Variants in S100A8 observed in about 807,000 individuals in gnomAD.
S100A8 encodes the protein S100 calcium binding protein A8, also known as protein S100-A8.
Under a neutral mutation model 4.2 loss-of-function variants are expected in S100A8, and 1 was observed. That is an observed-to-expected ratio of 0.24 (90% CI 0.08 to 1.12). S100A8 has a LOEUF of 1.12. S100A8 is among the 50% of genes most tolerant of loss of function. S100A8 has a pLI of 0.53. For missense variants in S100A8, 96 were observed against 111.8 expected (o/e 0.86, Z 0.64); for synonymous variants, 41 against 44.7 (o/e 0.92, Z 0.33).
chr1:153,415,700 T>A, the S100A8 span, among the ~76,000 whole-genome samples: 1 of 133,162 alleles, frequency 7.5e-6, no homozygotes, highest in Admixed American at 7.6e-5. Context: ...ACCTCCAGGC[T>A]CATTCCATGG....
the S100A8 span, among the ~76,000 whole-genome samples, chr1:153,399,167 A>G: frequency 6.6e-6 from 1 of 152,128 alleles, no homozygotes; most frequent in Non-Finnish European, 1.5e-5. Context: ...GGCAGGAGGC[A>G]CCTGTGTGAG....
the S100A8 span, among the ~76,000 whole-genome samples, chr1:153,409,985 T>G: frequency 6.6e-6 from 1 of 152,218 alleles, no homozygotes; most frequent in Admixed American, 6.5e-5. Context: ...AAGCAGTCTG[T>G]AGAGGGAAAT....
chr1:153,396,790 A>G, the S100A8 span: 1 of 152,362 alleles, frequency 6.6e-6, no homozygotes, highest in Non-Finnish European at 1.5e-5. Context: ...CAGAGCATCA[A>G]CAACCCACCC....
chr1:153,417,012 C>G, the S100A8 span, among the ~76,000 whole-genome samples: 1 of 152,252 alleles, frequency 6.6e-6, no homozygotes, highest in Non-Finnish European at 1.5e-5. Flanking sequence ...CAGTCAATCT[C>G]TGGGCACAGG....
the S100A8 span, among the ~76,000 whole-genome samples, chr1:153,398,847 C>T: frequency 6.6e-6 from 1 of 152,214 alleles, no homozygotes; most frequent in Non-Finnish European, 1.5e-5. Context: ...TCCCCAAGAT[C>T]ACACAATGAT....
chr1:153,411,090 C>CACT, the S100A8 span, among the ~76,000 whole-genome samples: 1 of 152,330 alleles, frequency 6.6e-6, no homozygotes, highest in East Asian at 1.9e-4. Flanking sequence ...TGCCCTCTCT[C>CACT]ACTACTCCTA....
chr1:153,414,408 G>A, the S100A8 span, among the ~76,000 whole-genome samples: 2 of 152,292 alleles, frequency 1.3e-5, no homozygotes, highest in South Asian at 2.1e-4. Flanking sequence ...TTAAAACTCA[G>A]AGATAAGAAC....
At chr1:153,395,047 G>A (rs1261169439), upstream of S100A8, among the ~76,000 whole-genome samples, 2 of 152,082 alleles carry the variant, frequency 1.3e-5, no homozygotes, top group Admixed American at 6.5e-5. Flanking sequence ...GAGTCCCAGG[G>A]GAGAGGAAAA....
chr1:153,403,542 G>A, the S100A8 span, among the ~76,000 whole-genome samples: 15 of 152,262 alleles, frequency 9.9e-5, no homozygotes, highest in South Asian at 3.1e-3. Flanking sequence ...CTTGTCTCAT[G>A]TGGAGCAATC....
the S100A8 span, among the ~76,000 whole-genome samples, chr1:153,418,609 T>C: frequency 6.6e-6 from 1 of 152,140 alleles, no homozygotes; most frequent in Admixed American, 6.6e-5. Flanking sequence ...CCATTGCTAG[T>C]AGAAATCAAT....
At chr1:153,414,926 C>T in the S100A8 span, among the ~76,000 whole-genome samples, 2 of 152,200 alleles carry the variant, frequency 1.3e-5, no homozygotes, top group Admixed American at 1.3e-4. Flanking sequence ...ACCACCTGAC[C>T]TCCTGCTCTT....
At chr1:153,408,622 G>A in the S100A8 span, among the ~76,000 whole-genome samples, 2 of 152,252 alleles carry the variant, frequency 1.3e-5, no homozygotes, top group African/African-American at 4.8e-5. Context: ...AGGAAATACA[G>A]AGAGGGCCAC....
At chr1:153,418,448 C>G in the S100A8 span, among the ~76,000 whole-genome samples, 1 of 152,112 alleles carries the variant, frequency 6.6e-6, no homozygotes, top group South Asian at 2.1e-4. Flanking sequence ...ATTAGATGGT[C>G]AGCAAAGTGT....
At chr1:153,398,460 A>C in the S100A8 span, among the ~76,000 whole-genome samples, 8 of 150,832 alleles carry the variant, frequency 5.3e-5, no homozygotes, top group Admixed American at 6.6e-5. Flanking sequence ...TCCTGCTGCC[A>C]CCACACTGTG....
At chr1:153,419,170 C>T in the S100A8 span, 2 of 1,614,166 alleles carry the variant, frequency 1.2e-6, no homozygotes, top group Non-Finnish European at 1.7e-6. Context: ...CATTACCTCG[C>T]CACTGTCTTT....
the S100A8 span, among the ~76,000 whole-genome samples, chr1:153,415,283 A>T: frequency 9.2e-5 from 14 of 152,040 alleles, no homozygotes; most frequent in East Asian, 1.9e-4. Flanking sequence ...GTTACATAAG[A>T]ACTGACAGAG....
the S100A8 span, among the ~76,000 whole-genome samples, chr1:153,415,727 G>GGA: frequency 2.0e-5 from 3 of 150,026 alleles, no homozygotes; most frequent in Non-Finnish European, 4.4e-5. Context: ...GGGGGCGGGG[G>GGA]TCACTCCACC....
chr1:153,401,587 G>A, the S100A8 span, among the ~76,000 whole-genome samples: 15 of 152,110 alleles, frequency 9.9e-5, no homozygotes, highest in African/African-American at 3.6e-4. Context: ...ACAATGTCCC[G>A]TGACATCCAG....
the S100A8 span, among the ~76,000 whole-genome samples, chr1:153,414,350 A>G: frequency 1.3e-5 from 2 of 152,376 alleles, no homozygotes; most frequent in Admixed American, 1.3e-4. Flanking sequence ...AAATATTTAC[A>G]AAAGACATAT....
Sources: gnomAD v4.1 joint callset for allele counts (sites outside exome capture counted in the v4.1 genomes callset) on GRCh38, gnomAD v4.1.1 for gene constraint, MANE v1.5 for transcripts, NCBI Gene and HGNC (gene_info 2026-07-23, HGNC 2026-07-21) for gene names.